Variants in SACS observed in about 807,000 individuals in gnomAD.
The protein encoded by SACS is sacsin molecular chaperone.
In SACS, 197 loss-of-function variants were observed where a neutral mutation model predicts 348.0. That is an observed-to-expected ratio of 0.57 (90% CI 0.50 to 0.64). The LOEUF (loss-of-function observed/expected upper bound fraction) is 0.64, where lower values mean the gene tolerates loss of function less well. Among genes scored for constraint, SACS ranks in the 30% least tolerant of loss-of-function variants. The pLI, the probability that SACS is intolerant of heterozygous loss-of-function variation, is 0.00. For synonymous variants in SACS, 1,985 were observed against 1,910.6 expected, an observed-to-expected ratio of 1.04 and a Z score of -1.02; for missense variants, 4,999 against 5,360.8, an observed-to-expected ratio of 0.93 and a Z score of 2.11.
At position 23,339,119 on chromosome 13, in the gene SACS, T is replaced by C. The variant is rs201558584; in HGVS notation, c.4757A>G (p.Asn1586Ser). 1.7e-4 allele frequency: 277 copies of C among 1,610,990 alleles called. No homozygotes were observed. Among genetic ancestry groups the C allele is most frequent in the Non-Finnish European group, 2.2e-4 (254 of 1,178,170 alleles). Reference protein sequence around the residue: ...EFMIMFDPNINHISKHIKDKS... With the variant: ...EFMIMFDPNISHISKHIKDKS... ...GTCTTTAATGTGTTTACTGATATGATTTATGTTTGGATCGAACATTATCAT... is the reference window on the plus strand; with the variant it reads ...GTCTTTAATGTGTTTACTGATATGACTTATGTTTGGATCGAACATTATCAT... Residue 1586 changes from asparagine to serine, a missense_variant, in exon 10 of 10, where the codon AAT (asparagine) becomes AGT (serine). By Grantham distance (46) the Asn-to-Ser change is conservative (BLOSUM62 1). Around this residue, in one of 6 missense-constraint regions of SACS, gnomAD observed 3,156 missense variants for 3,380.1 expected, o/e 0.93. Coordinates refer to ENST00000382292, the MANE Select transcript of SACS (RefSeq NM_014363.6).
rs1276318262 is a variant in SACS at position 23,335,484 on chromosome 13, G to T, written c.8392C>A (p.Pro2798Thr). The change falls in exon 10 of 10, where the codon CCA (proline) becomes ACA (threonine). Residue 2798 changes from proline to threonine, a missense_variant. Pro to Thr is a conservative substitution (Grantham distance 38). This residue lies in a region of SACS where 3,156 missense variants were observed against 3,380.1 expected (regional missense o/e 0.93). Transcript: ENST00000382292. The surrounding 1 kb of genome is among the most constrained non-coding windows in gnomAD (Gnocchi z 4.7). ...VTKKRQLKDIPVQQITYTMDT... is the reference protein window; with the variant it reads ...VTKKRQLKDITVQQITYTMDT... ...ATAGTATAGGTTATTTGTTGAACTG[G>T]TATGTCTTTGAGCTGCCTCTTTTTA... is the stretch of plus-strand genomic sequence containing the variant. The T allele has an allele frequency of 6.2e-7, 1 of 1,613,526 alleles. No homozygotes were observed. The highest frequency in any genetic ancestry group is 1.7e-5 in the Admixed American group (1 of 59,974).
intron 2 of SACS, among the ~76,000 whole-genome samples, chr13:23,409,170 C>T (rs546865529): frequency 2.8e-5 from 4 of 144,472 alleles, no homozygotes; most frequent in Non-Finnish European, 4.5e-5. Flanking sequence ...CATTCTCCTG[C>T]CTCAGCCTCC....
At chr13:23,409,248 G>A (rs1873381200) in intron 2 of SACS, among the ~76,000 whole-genome samples, 1 of 149,286 alleles carries the variant, frequency 6.7e-6, no homozygotes, top group African/African-American at 2.5e-5. Flanking sequence ...GTAGAGACAA[G>A]GTTTCACTGT....
chr13:23,399,961 A>G (rs1316205240), intron 2 of SACS, among the ~76,000 whole-genome samples: 1 of 152,156 alleles, frequency 6.6e-6, no homozygotes, highest in African/African-American at 2.4e-5. Context: ...CTCTTAACCT[A>G]TAAGAGAAAG....
Position 23,334,672 on chromosome 13 carries a change from G to A in SACS, c.9204C>T (p.Asn3068=). 1 of 1,613,676 alleles carries A rather than the reference G, an allele frequency of 6.2e-7. No homozygotes were observed. Among genetic ancestry groups the A allele is most frequent in the Non-Finnish European group, 8.5e-7 (1 of 1,179,740 alleles). The change falls in exon 10 of 10, where the codon AAC becomes AAT. Residue 3068 remains asparagine, a synonymous_variant. Coordinates refer to ENST00000382292, the MANE Select transcript of SACS (RefSeq NM_014363.6). ...LKHLLLEIGF[N]LVYNCDETAN... The stretch of plus-strand genomic sequence containing the variant: ...CAGTTTCATCACAGTTATAAACCAA[G>A]TTGAAACCAATTTCTAAAAGGAGAT...
rs954245189 is a variant in SACS at position 23,364,216 on chromosome 13, T to G, written c.457+950A>C. On this transcript the variant is annotated intron_variant, in intron 6 of 9. Transcript: ENST00000382292. The stretch of plus-strand genomic sequence containing the variant: ...AAATCATAAAACATCTTTTTAAAAA[T>G]ACATGACTTAAATCTCTTTAAAAAG... 2.0e-5 allele frequency among the ~76,000 whole-genome samples: 3 copies of G among 152,226 alleles called. No individual in the cohort carries two copies. The East Asian group carries it at 5.8e-4, about 29-fold the overall frequency.
chr13:23,368,758 G>A (rs940876222), intron 4 of SACS, among the ~76,000 whole-genome samples: 1 of 152,120 alleles, frequency 6.6e-6, no homozygotes, highest in Non-Finnish European at 1.5e-5. Flanking sequence ...AAGTGCAGTC[G>A]TGTGATCTCC....
intron 6 of SACS, among the ~76,000 whole-genome samples, chr13:23,362,090 T>G (rs373422525): frequency 2.0e-5 from 3 of 152,348 alleles, no homozygotes; most frequent in African/African-American, 7.2e-5. Context: ...TGTCACAAGT[T>G]ATGTTGATTA....
At chr13:23,375,609 G>A (rs1871742356) in intron 2 of SACS, 7 of 989,322 alleles carry the variant, frequency 7.1e-6, no homozygotes, top group Non-Finnish European at 8.4e-6. Context: ...GCGGGGACAC[G>A]CCCACCCGCC....
intron 9 of SACS, among the ~76,000 whole-genome samples, chr13:23,347,974 C>T (rs1352797594): frequency 6.6e-6 from 1 of 152,184 alleles, no homozygotes; most frequent in African/African-American, 2.4e-5. Flanking sequence ...GGAAAGGTTA[C>T]GGATTTTGGT....
rs1485518893 is a variant in SACS, at chr13:23,398,402, T to C, written c.20+12818A>G. On this transcript the variant is annotated intron_variant, in intron 2 of 9. Coordinates refer to ENST00000382292, the MANE Select transcript of SACS (RefSeq NM_014363.6). The stretch of plus-strand genomic sequence containing the variant: ...ATAAAAAATTAGCGAGGCGTGGTGG[T>C]GCATGCCTGTAGTTCCAGCTACTCG... 2.0e-5 allele frequency among the ~76,000 whole-genome samples: 3 copies of C among 150,660 alleles called. No homozygotes were observed. In the Admixed American group the frequency reaches 2.0e-4, roughly 10 times the overall value.
chr13:23,359,496 AAAT>A (rs1175205388), intron 6 of SACS, among the ~76,000 whole-genome samples: 1 of 152,194 alleles, frequency 6.6e-6, no homozygotes, highest in Non-Finnish European at 1.5e-5. Flanking sequence ...ACAAATGTTT[AAAT>A]AATACTGCAA....
Position 23,329,154 on chromosome 13 carries a change from G to A in SACS, c.*982C>T, listed in dbSNP as rs1008158391. ...GATCATTCATGGGGAAATATAAGCCGATAATTATAAACTACTAGATAACAC... is the reference window on the plus strand; with the variant it reads ...GATCATTCATGGGGAAATATAAGCCAATAATTATAAACTACTAGATAACAC... On this transcript the variant is annotated 3_prime_UTR_variant, in exon 10 of 10. Coordinates refer to ENST00000382292, the MANE Select transcript of SACS (RefSeq NM_014363.6). The A allele has an allele frequency of 8.6e-6, 3 of 349,118 alleles. No individual in the cohort carries two copies. The highest frequency in any genetic ancestry group is 2.1e-5 in the African/African-American group (1 of 46,716). The allele number at this position is 349,118 out of a possible 1,614,324, so 21.6% of individuals were successfully genotyped here.
rs147506904 is a variant in SACS at position 23,334,024 on chromosome 13, T to C, written c.9852A>G (p.Thr3284=). 2.8e-4 allele frequency: 457 copies of C among 1,613,866 alleles called. No homozygotes were observed. In the African/African-American group the frequency reaches 3.1e-3, roughly 11 times the overall value. Reference sequence around the variant, plus strand: ...GCTGGTTGGCTGAAACAGTAAACTTTGTTCCTGGAAGCAATGCCCAGTCTT... The same window carrying C: ...GCTGGTTGGCTGAAACAGTAAACTTCGTTCCTGGAAGCAATGCCCAGTCTT... ...TLKDWALLPG[T]KFTVSANQLV... The change falls in exon 10 of 10, where the codon ACA becomes ACG. Residue 3284 remains threonine, a synonymous_variant. Transcript: ENST00000382292.
intron 2 of SACS, among the ~76,000 whole-genome samples, chr13:23,397,497 T>C (rs1049814801): frequency 6.6e-6 from 1 of 152,242 alleles, no homozygotes; most frequent in African/African-American, 2.4e-5. Context: ...AAAGTTTTCT[T>C]GGATTATTGA....
chr13:23,358,857 T>C (rs185293117), intron 6 of SACS, among the ~76,000 whole-genome samples: 2 of 152,232 alleles, frequency 1.3e-5, no homozygotes, highest in South Asian at 2.1e-4. Flanking sequence ...ATATAAAATA[T>C]TTCATATATT....
At chr13:23,426,243 C>T (rs1393218243) in intron 1 of SACS, among the ~76,000 whole-genome samples, 1 of 152,156 alleles carries the variant, frequency 6.6e-6, no homozygotes, top group East Asian at 1.9e-4. Flanking sequence ...TGAGGACGCA[C>T]CCCTTACACA....
Position 23,337,426 on chromosome 13 carries a change from C to A in SACS, c.6450G>T (p.Gln2150His). The change falls in exon 10 of 10, where the codon CAG becomes CAT. Residue 2150 changes from glutamine to histidine, a missense_variant. By Grantham distance (24) the Gln-to-His change is conservative. Around this residue, in one of 6 missense-constraint regions of SACS, gnomAD observed 3,156 missense variants for 3,380.1 expected, o/e 0.93. Transcript: ENST00000382292. Reference protein sequence around the residue: ...LNPIILIKLVQLGMAKDDILW... With the variant: ...LNPIILIKLVHLGMAKDDILW... ...AAATATCATCTTTTGCCATACCTAACTGAACTAGTTTAATCAAAATAATAG... is the reference window on the plus strand; with the variant it reads ...AAATATCATCTTTTGCCATACCTAAATGAACTAGTTTAATCAAAATAATAG... 11 of 1,612,636 alleles carry A rather than the reference C, an allele frequency of 6.8e-6. No individual in the cohort carries two copies. The highest frequency in any genetic ancestry group is 8.5e-6 in the Non-Finnish European group (10 of 1,179,348).
At position 23,399,019 on chromosome 13, in the gene SACS, C is replaced by CAAAAAAAAAAAAAAAAAAAAAAAAA. The variant is rs752943692; in HGVS notation, c.20+12200_20+12201insTTTTTTTTTTTTTTTTTTTTTTTTT. Among the ~76,000 whole-genome samples, 42 of 67,134 alleles carry CAAAAAAAAAAAAAAAAAAAAAAAAA rather than the reference C, an allele frequency of 6.3e-4. 7 individuals are homozygous for CAAAAAAAAAAAAAAAAAAAAAAAAA. The highest frequency in any genetic ancestry group is 5.0e-3 in the East Asian group (7 of 1,404). 44.0% of individuals were successfully genotyped at this position (67,134 alleles called of 152,430 possible). A position where few individuals can be genotyped will look rare whatever the true frequency, so the allele number is the denominator to read the frequency against. ...CTGGTAACAGAGTGAGACTCCATCT[C>CAAAAAAAAAAAAAAAAAAAAAAAAA]AAAAAAAAAAAAAAAAAACATGGAT... On this transcript the variant is annotated intron_variant, in intron 2 of 9. Transcript: ENST00000382292.
Sources: allele counts gnomAD v4.1 joint callset (sites outside exome capture counted in the v4.1 genomes callset), GRCh38; gene constraint gnomAD v4.1.1; regional missense constraint gnomAD v4.1.1; non-coding constraint Gnocchi (gnomAD v3.1); transcripts MANE v1.5; gene names NCBI Gene and HGNC (gene_info 2026-07-23, HGNC 2026-07-21).